Variants in LUZP2 observed in about 807,000 individuals in gnomAD.
LUZP2 encodes leucine zipper protein 2.
LUZP2 carries 52 observed loss-of-function variants against 51.6 expected under a neutral mutation model. That is an observed-to-expected ratio of 1.01 (90% CI 0.81 to 1.27). The LOEUF (loss-of-function observed/expected upper bound fraction) is 1.27, where lower values mean the gene tolerates loss of function less well. LUZP2 is among the 50% of genes most tolerant of loss of function. LUZP2 has a pLI of 0.00. For synonymous variants in LUZP2, 154 were observed against 137.3 expected (o/e 1.12, Z -0.85); for missense variants, 436 against 395.4 (o/e 1.10, Z -0.87).
At chr11:25,016,202 G>A (rs899094433) in intron 9 of LUZP2, among the ~76,000 whole-genome samples, 13 of 152,110 alleles carry the variant, frequency 8.5e-5, no homozygotes, top group African/African-American at 2.9e-4. Context: ...TTACAAGCGT[G>A]AGCCACCATG....
chr11:24,927,108 T>C lies in LUZP2; in HGVS notation c.522+12570T>C, dbSNP rs537010563. Among the ~76,000 whole-genome samples, 3 of 151,770 alleles carry C rather than the reference T, an allele frequency of 2.0e-5. No homozygotes were observed. In the East Asian group the frequency reaches 5.8e-4, roughly 29 times the overall value. On this transcript the variant is annotated intron_variant, in intron 7 of 11. Coordinates refer to ENST00000336930, the MANE Select transcript of LUZP2 (RefSeq NM_001009909.4). ...TTTTGATGGGATCTTTTTTTTTTTC[T>C]TTTTTCTTGTTGATTTGTTTGAGTT...
rs552851677 is a variant in LUZP2, at chr11:24,993,211, G to C, written c.765+9918G>C. 7.2e-5 allele frequency among the ~76,000 whole-genome samples: 11 copies of C among 152,176 alleles called. 1 individual carries two copies. The South Asian group carries it at 2.3e-3, about 32-fold the overall frequency. Reference sequence around the variant, plus strand: ...GTCTCTATGCCCCACTACATTGACTGATCTGGCCTGAAAACTTAGGTGATA... The same window carrying C: ...GTCTCTATGCCCCACTACATTGACTCATCTGGCCTGAAAACTTAGGTGATA... On this transcript the variant is annotated intron_variant, in intron 9 of 11. Transcript: ENST00000336930.
intron 5 of LUZP2, among the ~76,000 whole-genome samples, chr11:24,791,932 C>T (rs1849419875): frequency 6.7e-6 from 1 of 149,490 alleles, no homozygotes; most frequent in Non-Finnish European, 1.5e-5. Context: ...TCTCCATTTG[C>T]TCAGGCCCTT....
chr11:25,035,957 A>T (rs142874905), intron 9 of LUZP2, among the ~76,000 whole-genome samples: 1 of 151,998 alleles, frequency 6.6e-6, no homozygotes, highest in African/African-American at 2.4e-5. Context: ...CCAGATTTTG[A>T]TATCAGATGG....
chr11:24,761,952 A>C (rs1193431641), intron 4 of LUZP2, among the ~76,000 whole-genome samples: 3 of 151,940 alleles, frequency 2.0e-5, no homozygotes, highest in East Asian at 1.9e-4. Flanking sequence ...GGTGGGGGTG[A>C]AGAAAGGAAT....
intron 1 of LUZP2, among the ~76,000 whole-genome samples, chr11:24,610,301 A>G (rs1336755994): frequency 6.6e-6 from 1 of 152,238 alleles, no homozygotes; most frequent in Non-Finnish European, 1.5e-5. Flanking sequence ...TTAAACATCT[A>G]GGACTGAAGA....
chr11:24,594,637 A>G (rs187449363), intron 1 of LUZP2, among the ~76,000 whole-genome samples: 1 of 152,230 alleles, frequency 6.6e-6, no homozygotes, highest in Non-Finnish European at 1.5e-5. Flanking sequence ...TTAGTTGTCA[A>G]TGATTCACAA....
chr11:24,625,351 A>C (rs989163453), intron 1 of LUZP2, among the ~76,000 whole-genome samples: 5 of 151,982 alleles, frequency 3.3e-5, no homozygotes, highest in African/African-American at 1.2e-4. Context: ...ATTTCAAAAA[A>C]AAAAGGAAGG....
intron 9 of LUZP2, among the ~76,000 whole-genome samples, chr11:25,004,564 T>C (rs555159654): frequency 1.1e-4 from 16 of 152,310 alleles, no homozygotes; most frequent in Admixed American, 3.3e-4. Flanking sequence ...AATAAACTTA[T>C]CTTTTAGAAT....
intron 9 of LUZP2, among the ~76,000 whole-genome samples, chr11:25,023,655 T>C (rs12279132): frequency 0.57 from 86,686 of 151,768 alleles, 26,042 homozygotes; most frequent in African/African-American, 0.75. Context: ...CTGATCTTAG[T>C]TATTTCTTGC....
chr11:24,802,578 T>C (rs1453114455), intron 5 of LUZP2, among the ~76,000 whole-genome samples: 1 of 151,988 alleles, frequency 6.6e-6, no homozygotes, highest in Non-Finnish European at 1.5e-5. Flanking sequence ...TGTGAACCCA[T>C]CACAACCATT....
chr11:24,679,757 G>A (rs1590338489), intron 1 of LUZP2, among the ~76,000 whole-genome samples: 1 of 152,188 alleles, frequency 6.6e-6, no homozygotes, highest in East Asian at 1.9e-4. Context: ...CTTCCTGTTG[G>A]GACCTGTAAT....
At chr11:24,761,819 T>A (rs1195346070) in intron 4 of LUZP2, among the ~76,000 whole-genome samples, 3 of 152,146 alleles carry the variant, frequency 2.0e-5, no homozygotes, top group Non-Finnish European at 4.4e-5. Context: ...TTTCTCATAA[T>A]TTAGGCAAAC....
Position 24,897,369 on chromosome 11 carries a change from C to G in LUZP2, c.397-8622C>G, listed in dbSNP as rs150649629. ...TTTGCTCTTTGCAATAAATCTTGTT[C>G]TGCTCTTTCTTTGGGTCTGCGTTGT... On this transcript the variant is annotated intron_variant, in intron 5 of 11. Transcript: ENST00000336930. Among the ~76,000 whole-genome samples the G allele has an allele frequency of 1.4e-4, 22 of 152,318 alleles. No homozygotes were observed. In the East Asian group the frequency reaches 4.3e-3, roughly 29 times the overall value.
At chr11:25,008,371 A>G (rs1325588153) in intron 9 of LUZP2, among the ~76,000 whole-genome samples, 3 of 152,224 alleles carry the variant, frequency 2.0e-5, no homozygotes, top group African/African-American at 7.2e-5. Context: ...GGCAGTCCCA[A>G]GGCCTGAGCC....
intron 1 of LUZP2, among the ~76,000 whole-genome samples, chr11:24,555,016 G>A (rs995099796): frequency 2.0e-5 from 3 of 152,086 alleles, no homozygotes; most frequent in East Asian, 1.9e-4. Flanking sequence ...AGGAAATAAA[G>A]CTCCTACTTG....
In LUZP2 at chr11:24,824,366, C is replaced by CAAAAA. The variant is rs3078050; in HGVS notation, c.396+61081_396+61085dup. On this transcript the variant is annotated intron_variant, in intron 5 of 11. Coordinates refer to ENST00000336930, the MANE Select transcript of LUZP2 (RefSeq NM_001009909.4). ...GAGCAAGAAGAGCAAAACCCCATCT[C>CAAAAA]AAAAAAAAAAAAAAAAAAAAAAAAA... Among the ~76,000 whole-genome samples the CAAAAA allele has an allele frequency of 3.3e-4, 9 of 27,578 alleles. 1 individual carries two copies. The highest frequency in any genetic ancestry group is 7.2e-4 in the Admixed American group (1 of 1,380). 18.1% of individuals were successfully genotyped at this position (27,578 alleles called of 152,430 possible).
At chr11:24,883,056 C>T (rs117053484) in intron 5 of LUZP2, among the ~76,000 whole-genome samples, 1 of 151,644 alleles carries the variant, frequency 6.6e-6, no homozygotes, top group East Asian at 1.9e-4. Context: ...CTTCTAAGAC[C>T]AGTGGGAAAA....
intron 1 of LUZP2, among the ~76,000 whole-genome samples, chr11:24,545,125 A>G (rs1851499300): frequency 1.4e-5 from 2 of 146,282 alleles, no homozygotes; most frequent in South Asian, 2.2e-4. Context: ...CCACTCTTTA[A>G]TTTTTTTTTT....
Sources: gnomAD v4.1 joint callset for allele counts (sites outside exome capture counted in the v4.1 genomes callset) on GRCh38, gnomAD v4.1.1 for gene constraint, MANE v1.5 for transcripts, NCBI Gene and HGNC (gene_info 2026-07-23, HGNC 2026-07-21) for gene names.